The following HNRNPC variants were observed in gnomAD, a reference collection of about 807,000 sequenced individuals.
The protein encoded by HNRNPC is heterogeneous nuclear ribonucleoproteins C1/C2.
A neutral mutation model predicts 33.2 loss-of-function variants in HNRNPC; 3 were observed. The ratio of observed to expected loss-of-function variants is 0.09; its 90% CI spans 0.04 to 0.23. The LOEUF (loss-of-function observed/expected upper bound fraction) is 0.23, where lower values mean the gene tolerates loss of function less well. Among genes scored for constraint, HNRNPC ranks in the 10% least tolerant of loss-of-function variants. HNRNPC has a pLI of 1.00. For missense variants in HNRNPC, 143 were observed against 366.7 expected (o/e 0.39, Z 4.98); for synonymous variants, 121 against 126.7 (o/e 0.96, Z 0.30).
At chr14:21,248,479 A>G (rs186469549) in intron 2 of HNRNPC, among the ~76,000 whole-genome samples, 1 of 152,356 alleles carries the variant, frequency 6.6e-6, no homozygotes, top group East Asian at 1.9e-4. Flanking sequence ...ATAGGAATGA[A>G]GCATAAATGA....
intron 7 of HNRNPC, 33 bp from the exon 8 acceptor site, chr14:21,211,599 C>T (rs1891609364): frequency 7.6e-6 from 12 of 1,583,732 alleles, no homozygotes; most frequent in Non-Finnish European, 1.0e-5. Flanking sequence ...TGTCTAGGGG[C>T]AGTAATGTCC....
intron 2 of HNRNPC, among the ~76,000 whole-genome samples, chr14:21,246,395 T>C (rs1224745326): frequency 6.6e-6 from 1 of 151,812 alleles, no homozygotes; most frequent in Non-Finnish European, 1.5e-5. Context: ...CCGTCTCTAC[T>C]AAAAATACAA....
chr14:21,268,877 A>G (rs1457841199), intron 1 of HNRNPC, among the ~76,000 whole-genome samples: 1 of 152,086 alleles, frequency 6.6e-6, no homozygotes, highest in Non-Finnish European at 1.5e-5. Context: ...CTCGCGATAC[A>G]TCTACTTGGT....
Position 21,230,077 on chromosome 14 carries a change from T to C in HNRNPC, c.365+242A>G, listed in dbSNP as rs183579278. Among the ~76,000 whole-genome samples, 52 of 148,848 alleles carry C rather than the reference T, an allele frequency of 3.5e-4. No homozygotes were observed. In the East Asian group the frequency reaches 9.6e-3, roughly 28 times the overall value. On this transcript the variant is annotated intron_variant, in intron 5 of 8. Coordinates refer to ENST00000553300, the MANE Select transcript of HNRNPC (RefSeq NM_004500.4). ...CCCTAGTCACCACACTCAGCGAATTTTTTTGTATTTTTAGTAGAAACGGGT... is the reference window on the plus strand; with the variant it reads ...CCCTAGTCACCACACTCAGCGAATTCTTTTGTATTTTTAGTAGAAACGGGT...
Position 21,220,663 on chromosome 14 carries a change from A to C in HNRNPC, c.366-7546T>G, listed in dbSNP as rs1892727367. ...TAATCCATAAATCACACAATCAACAACGTGTAACAAACCGAACCCTATCTA... is the reference window on the plus strand; with the variant it reads ...TAATCCATAAATCACACAATCAACACCGTGTAACAAACCGAACCCTATCTA... On this transcript the variant is annotated intron_variant, in intron 5 of 8. Transcript: ENST00000553300. Among the ~76,000 whole-genome samples the C allele has an allele frequency of 3.9e-5, 6 of 152,302 alleles. No individual in the cohort carries two copies. The South Asian group carries it at 1.2e-3, about 32-fold the overall frequency.
intron 2 of HNRNPC, among the ~76,000 whole-genome samples, chr14:21,256,761 T>C (rs527979461): frequency 9.2e-5 from 14 of 152,096 alleles, no homozygotes; most frequent in African/African-American, 3.4e-4. Flanking sequence ...CTCAAGCGAT[T>C]CTCATGCCTG....
intron 5 of HNRNPC, among the ~76,000 whole-genome samples, chr14:21,225,237 A>G (rs1053426956): frequency 2.0e-5 from 3 of 151,736 alleles, no homozygotes; most frequent in Non-Finnish European, 4.4e-5. Flanking sequence ...TCTGGCCAAC[A>G]TGGTGAAACC....
At chr14:21,239,655 C>T (rs1249458209) in intron 2 of HNRNPC, among the ~76,000 whole-genome samples, 1 of 152,158 alleles carries the variant, frequency 6.6e-6, no homozygotes, top group African/African-American at 2.4e-5. Flanking sequence ...GAGCAAATCA[C>T]CTGAGGACAG....
At chr14:21,266,504 A>G (rs917574249) in intron 1 of HNRNPC, among the ~76,000 whole-genome samples, 1 of 151,910 alleles carries the variant, frequency 6.6e-6, no homozygotes, top group African/African-American at 2.4e-5. Flanking sequence ...AATAAATCCA[A>G]AAACACATAA....
At chr14:21,237,784 T>C (rs761909990) in intron 2 of HNRNPC, among the ~76,000 whole-genome samples, 1 of 152,106 alleles carries the variant, frequency 6.6e-6, no homozygotes, top group Non-Finnish European at 1.5e-5. Flanking sequence ...TTTTTTTTAA[T>C]TTTTTTGAGT....
intron 2 of HNRNPC, among the ~76,000 whole-genome samples, chr14:21,262,104 C>A (rs945350129): frequency 3.3e-5 from 5 of 152,122 alleles, no homozygotes; most frequent in Admixed American, 2.0e-4. Context: ...GGTCAAAAAG[C>A]CTACCTTTTT....
chr14:21,220,956 G>A lies in HNRNPC; in HGVS notation c.366-7839C>T, dbSNP rs560606985. Among the ~76,000 whole-genome samples the A allele has an allele frequency of 5.9e-5, 9 of 152,180 alleles. No homozygotes were observed. In the East Asian group the frequency reaches 7.7e-4, roughly 13 times the overall value. On this transcript the variant is annotated intron_variant, in intron 5 of 8. Coordinates refer to ENST00000553300, the MANE Select transcript of HNRNPC (RefSeq NM_004500.4). ...CACAAAAAAAGTCAGGTATGGTGGC[G>A]CGCCGGTATTCCCAGGAACTCACAA...
intron 5 of HNRNPC, among the ~76,000 whole-genome samples, chr14:21,216,120 C>CAAAA (rs370660995): frequency 7.6e-4 from 67 of 87,796 alleles, no homozygotes; most frequent in African/African-American, 1.0e-3. Flanking sequence ...CCTCCACCAC[C>CAAAA]AAAAAAAAAA....
At chr14:21,261,423 A>G (rs1878235115) in intron 2 of HNRNPC, among the ~76,000 whole-genome samples, 1 of 152,226 alleles carries the variant, frequency 6.6e-6, no homozygotes, top group Non-Finnish European at 1.5e-5. Context: ...TATTTAAAAA[A>G]TAAAGATTCC....
chr14:21,268,691 AAATATT>A (rs1402279031), intron 1 of HNRNPC: 4 of 152,244 alleles, frequency 2.6e-5, no homozygotes, highest in Non-Finnish European at 5.9e-5. Flanking sequence ...AGTCAGCTGT[AAATATT>A]AATATAGTTA....
intron 2 of HNRNPC, among the ~76,000 whole-genome samples, chr14:21,256,298 A>G (rs959174343): frequency 6.6e-6 from 1 of 151,988 alleles, no homozygotes; most frequent in Non-Finnish European, 1.5e-5. Flanking sequence ...ATAAAAAACA[A>G]ATTAGCTGGG....
intron 1 of HNRNPC, among the ~76,000 whole-genome samples, chr14:21,267,645 A>AAC (rs1251129159): frequency 3.9e-5 from 6 of 152,164 alleles, no homozygotes; most frequent in Non-Finnish European, 5.9e-5. Context: ...TCTAGTTGAG[A>AAC]ACACACCTAG....
intron 2 of HNRNPC, among the ~76,000 whole-genome samples, chr14:21,241,136 T>C (rs1895287906): frequency 6.6e-6 from 1 of 151,674 alleles, no homozygotes; most frequent in South Asian, 2.1e-4. Context: ...GGCAGGCGTC[T>C]GTAATCCCAG....
chr14:21,264,873 A>AT (rs1216914102), intron 1 of HNRNPC: 2 of 152,156 alleles, frequency 1.3e-5, no homozygotes, highest in Admixed American at 6.6e-5. Flanking sequence ...AACAAAAAAC[A>AT]TTAGCAGGGT....
Sources: allele counts gnomAD v4.1 joint callset (sites outside exome capture counted in the v4.1 genomes callset), GRCh38; gene constraint gnomAD v4.1.1; transcripts MANE v1.5; gene names NCBI Gene and HGNC (gene_info 2026-07-23, HGNC 2026-07-21).